The following IGFN1 variants were observed in gnomAD, a reference collection of about 807,000 sequenced individuals.
IGFN1 encodes immunoglobulin-like and fibronectin type III domain-containing protein 1.
Under a neutral mutation model 289.5 loss-of-function variants are expected in IGFN1, and 253 were observed. That is an observed-to-expected ratio of 0.87 (90% CI 0.79 to 0.97). IGFN1 has a LOEUF of 0.97. Ranked by LOEUF, IGFN1 falls within the 50% of genes least tolerant of loss-of-function variation. IGFN1 has a pLI of 0.00. For missense variants in IGFN1, 4,470 were observed against 4,686.1 expected (o/e 0.95, Z 1.35); for synonymous variants, 1,706 against 1,788.5 (o/e 0.95, Z 1.16).
chr1:201,196,050 A>T, intron 4 of IGFN1, 72 bp downstream of exon 4: 1 of 1,453,488 alleles, frequency 6.9e-7, no homozygotes, highest in Non-Finnish European at 9.3e-7. Flanking sequence ...TCTCTTTGGC[A>T]GCCTCCAATC....
Position 201,195,819 on chromosome 1 carries a change from C to T in IGFN1, c.128-20C>T. ...CTCTCCCAACTTGTCAGTCTCCCTA[C>T]TCGTCTCTTCCTGCTGCAGGGAAAA... On this transcript the variant is annotated intron_variant, in intron 3 of 23. Transcript: ENST00000335211. The T allele has an allele frequency of 6.5e-7, 1 of 1,549,812 alleles. No homozygotes were observed. The highest frequency in any genetic ancestry group is 8.7e-7 in the Non-Finnish European group (1 of 1,145,902).
At chr1:201,225,707 C>T in intron 21 of IGFN1, 117 bp from the exon 22 acceptor site, 1 of 845,924 alleles carries the variant, frequency 1.2e-6, no homozygotes, top group Non-Finnish European at 1.8e-6. Flanking sequence ...GGTCCAGCTA[C>T]TTGTGTGGCA....
intron 19 of IGFN1, 82 bp downstream of exon 19, chr1:201,221,828 A>T: frequency 1.6e-6 from 2 of 1,232,518 alleles, no homozygotes; most frequent in Non-Finnish European, 2.3e-6. Flanking sequence ...CAATGCACTT[A>T]CTAAGCCAGG....
At chr1:201,219,838 G>C (rs750209991) in intron 18 of IGFN1, among the ~76,000 whole-genome samples, 3 of 152,210 alleles carry the variant, frequency 2.0e-5, no homozygotes, top group Non-Finnish European at 2.9e-5. Context: ...ATGGAGGGAT[G>C]GGGGAGGAAA....
At chr1:201,200,675 A>T (rs1667110475) in intron 8 of IGFN1, among the ~76,000 whole-genome samples, 1 of 152,144 alleles carries the variant, frequency 6.6e-6, no homozygotes, top group Non-Finnish European at 1.5e-5. Context: ...TGGTGTCTTC[A>T]TCTGTAAAAT....
At position 201,201,747 on chromosome 1, in the gene IGFN1, ACAT is replaced by A. The variant is rs1217342086; in HGVS notation, c.665_667del (p.Ile222del). The A allele has an allele frequency of 6.5e-7, 1 of 1,548,214 alleles. No homozygotes were observed. Among genetic ancestry groups the A allele is most frequent in the Admixed American group, 2.0e-5 (1 of 50,992 alleles). ...ATCAACACCATCTCCAGCTTAAGACACATCAGGGTCACCAAGGATGGGAATGCA... is the reference window on the plus strand; with the variant it reads ...ATCAACACCATCTCCAGCTTAAGACACAGGGTCACCAAGGATGGGAATGCA... On this transcript the variant is annotated inframe_deletion, in exon 9 of 24. Coordinates refer to ENST00000335211, the MANE Select transcript of IGFN1 (RefSeq NM_001164586.2).
chr1:201,218,149 G>C (rs2102360968), intron 17 of IGFN1, among the ~76,000 whole-genome samples: 1 of 152,242 alleles, frequency 6.6e-6, no homozygotes, highest in East Asian at 1.9e-4. Flanking sequence ...CTACTTAGGA[G>C]CTGAGGCCTG....
chr1:201,191,284 G>T (rs1303968728), intron 1 of IGFN1, among the ~76,000 whole-genome samples: 1 of 152,210 alleles, frequency 6.6e-6, no homozygotes, highest in Non-Finnish European at 1.5e-5. Flanking sequence ...AAGCAGTTGA[G>T]AGAACTCCAT....
Position 201,207,388 on chromosome 1 carries a change from T to C in IGFN1, c.2495T>C (p.Ile832Thr). ...AGAGCAGCAGGGGGTATTGGCAGAA[T>C]AGAATCTAAGGGCACAAGTCCTTGG... ...GHRAAGGIGR[I>T]ESKGTSPWDD... The change falls in exon 12 of 24, where the codon ATA becomes ACA. Residue 832 changes from isoleucine to threonine, a missense_variant. Coordinates refer to ENST00000335211, the MANE Select transcript of IGFN1 (RefSeq NM_001164586.2). 1 of 1,536,334 alleles carries C rather than the reference T, an allele frequency of 6.5e-7. No homozygotes were observed. The highest frequency in any genetic ancestry group is 2.4e-5 in the East Asian group (1 of 40,902).
In IGFN1 at chr1:201,225,996, C is replaced by T; in HGVS notation, c.10659C>T (p.Thr3553=). The part of the protein sequence containing the change: ...PWHEAADRIH[T]NRFTLLGILP... ...ACGAGGCAGCCGACCGCATCCACACCAACCGCTTCACCCTCCTGGGCATCC... is the reference window on the plus strand; with the variant it reads ...ACGAGGCAGCCGACCGCATCCACACTAACCGCTTCACCCTCCTGGGCATCC... The change falls in exon 22 of 24, where the codon ACC becomes ACT. Residue 3553 remains threonine, a synonymous_variant. Coordinates refer to ENST00000335211, the MANE Select transcript of IGFN1 (RefSeq NM_001164586.2). 1.3e-6 allele frequency: 2 copies of T among 1,578,894 alleles called. No individual in the cohort carries two copies. The highest frequency in any genetic ancestry group is 1.7e-6 in the Non-Finnish European group (2 of 1,159,722).
At chr1:201,216,784 G>A in intron 16 of IGFN1, 31 bp downstream of exon 16, 2 of 1,546,922 alleles carry the variant, frequency 1.3e-6, no homozygotes, top group Non-Finnish European at 1.8e-6. Context: ...TGGGGGTGGG[G>A]GACACTCCTG....
chr1:201,215,734 G>T lies in IGFN1; in HGVS notation c.9191G>T (p.Arg3064Leu), dbSNP rs148033484. 1.2e-6 allele frequency: 2 copies of T among 1,611,622 alleles called. No individual in the cohort carries two copies. The highest frequency in any genetic ancestry group is 8.5e-7 in the Non-Finnish European group (1 of 1,178,840). Residue 3064 changes from arginine to leucine, a missense_variant, in exon 15 of 24, where the codon CGG becomes CTG. Arg to Leu is a moderately radical substitution (Grantham distance 102). Transcript: ENST00000335211. Reference protein sequence around the residue: ...AQVDLGDGYTRLCLPSAGRKD... With the variant: ...AQVDLGDGYTLLCLPSAGRKD... ...GTGGACCTGGGGGATGGCTACACGC[G>T]GCTGTGCCTCCCCAGCGCAGGCAGG...
In IGFN1 at chr1:201,211,808, G is replaced by A; in HGVS notation, c.6915G>A (p.Arg2305=). 6.5e-7 allele frequency: 1 copy of A among 1,536,794 alleles called. No individual in the cohort carries two copies. The highest frequency in any genetic ancestry group is 8.7e-7 in the Non-Finnish European group (1 of 1,146,742). Reference sequence around the variant, plus strand: ...CATTAGGGAGCGAGGCAGGTTCTAGGGGTAGTTTGGAGGATTCTGGGTACA... The same window carrying A: ...CATTAGGGAGCGAGGCAGGTTCTAGAGGTAGTTTGGAGGATTCTGGGTACA... ...RNPLGSEAGS[R]GSLEDSGYIL... is the part of the protein sequence containing the mutation. Residue 2305 remains arginine, a synonymous_variant, in exon 12 of 24, where the codon AGG becomes AGA. Transcript: ENST00000335211.
At chr1:201,214,373 T>C (rs773315959) in intron 13 of IGFN1, 72 bp downstream of exon 13, 8 of 1,456,654 alleles carry the variant, frequency 5.5e-6, no homozygotes, top group Non-Finnish European at 7.4e-6. Context: ...GGCAAGAGCG[T>C]AGAGGCTTTG....
chr1:201,203,280 G>T (rs1667240990), intron 9 of IGFN1, among the ~76,000 whole-genome samples: 1 of 152,154 alleles, frequency 6.6e-6, no homozygotes. Flanking sequence ...AGTTAAAGCA[G>T]GTATGCATAT....
chr1:201,227,430 AG>A (rs1412758987), intron 23 of IGFN1, among the ~76,000 whole-genome samples: 1 of 94,710 alleles, frequency 1.1e-5, no homozygotes, highest in African/African-American at 6.4e-5. Context: ...TTTTATTTTT[AG>A]TTTTTTTTTT....
intron 8 of IGFN1, 119 bp downstream of exon 8, chr1:201,200,530 G>A: frequency 1.3e-6 from 1 of 794,862 alleles, no homozygotes; most frequent in Non-Finnish European, 2.0e-6. Flanking sequence ...ATGATCAAGG[G>A]GCCTGTCTCC....
chr1:201,194,328 C>T, intron 3 of IGFN1, 55 bp downstream of exon 3: 1 of 1,541,198 alleles, frequency 6.5e-7, no homozygotes, highest in Non-Finnish European at 8.8e-7. Flanking sequence ...CTCCTACCTC[C>T]CAGGGGAGAG....
At chr1:201,198,097 G>A (rs1002324308) in intron 5 of IGFN1, among the ~76,000 whole-genome samples, 2 of 152,166 alleles carry the variant, frequency 1.3e-5, no homozygotes, top group Admixed American at 1.3e-4. Flanking sequence ...TAGGAAGGTG[G>A]AAGAGGTGGC....
Sources: gnomAD v4.1 joint callset for allele counts (sites outside exome capture counted in the v4.1 genomes callset) on GRCh38, gnomAD v4.1.1 for gene constraint, MANE v1.5 for transcripts, NCBI Gene and HGNC (gene_info 2026-07-23, HGNC 2026-07-21) for gene names.